PSD3: variants seen among roughly 807,000 people sequenced by gnomAD.
PSD3 encodes PH and SEC7 domain-containing protein 3.
A neutral mutation model predicts 105.5 loss-of-function variants in PSD3; 49 were observed. The observed-to-expected ratio is 0.46, with a 90% CI of 0.37 to 0.59. PSD3 has a LOEUF of 0.59. Ranked by LOEUF, PSD3 falls within the 20% of genes least tolerant of loss-of-function variation. The probability of loss-of-function intolerance (pLI) is 0.00; values close to 1 mark genes in which losing one functional copy is unlikely to be tolerated. For synonymous variants in PSD3, 557 were observed against 457.8 expected (o/e 1.22, Z -2.77); for missense variants, 1,561 against 1,263.8 (o/e 1.24, Z -3.57).
At position 18,532,195 on chromosome 8, in the gene PSD3, A is replaced by G. The variant is rs1799662048; in HGVS notation, c.*3548T>C. 1 of 152,232 alleles carries G rather than the reference A, an allele frequency of 6.6e-6. No homozygotes were observed. Among genetic ancestry groups the G allele is most frequent in the Non-Finnish European group, 1.5e-5 (1 of 68,040 alleles). The allele number at this position is 152,232 out of a possible 1,614,324, so 9.4% of individuals were successfully genotyped here. A position where few individuals can be genotyped will look rare whatever the true frequency, so the allele number is the denominator to read the frequency against. On this transcript the variant is annotated 3_prime_UTR_variant, in exon 16 of 16. Coordinates refer to ENST00000327040, the MANE Select transcript of PSD3 (RefSeq NM_015310.4). ...AGATCTTTACATGATAGAGGGAGCA[A>G]TAGGCAAAGGACAGTAGAAAAGCTC...
chr8:18,777,751 G>A lies in PSD3; in HGVS notation c.2083-12213C>T, dbSNP rs116152627. ...CATCCTCCGGTGCTATGAAAGAATA[G>A]GACTTATTCCTTCTAACTATATGTT... On this transcript the variant is annotated intron_variant, in intron 8 of 15. Coordinates refer to ENST00000327040, the MANE Select transcript of PSD3 (RefSeq NM_015310.4). 6.5e-3 allele frequency among the ~76,000 whole-genome samples: 993 copies of A among 152,154 alleles called. 9 individuals are homozygous for A. The highest frequency in any genetic ancestry group is 0.022 in the African/African-American group (933 of 41,514).
rs1816694858 is a variant in PSD3, at chr8:18,864,668, G to C, written c.1634+3006C>G. ...ACTAGCAAGGAAGCAGGAGAGGCGA[G>C]TGAACACAGATGGAATGGAGGCATG... On this transcript the variant is annotated intron_variant, in intron 4 of 15. Coordinates refer to ENST00000327040, the MANE Select transcript of PSD3 (RefSeq NM_015310.4). 2.6e-5 allele frequency: 4 copies of C among 152,262 alleles called. No homozygotes were observed. In the South Asian group the frequency reaches 8.3e-4, roughly 32 times the overall value. The allele number at this position is 152,262 out of a possible 1,614,324, so 9.4% of individuals were successfully genotyped here. A position where few individuals can be genotyped will look rare whatever the true frequency, so the allele number is the denominator to read the frequency against.
At chr8:18,566,000 G>A (rs1485873811) in intron 14 of PSD3, among the ~76,000 whole-genome samples, 1 of 152,082 alleles carries the variant, frequency 6.6e-6, no homozygotes, top group Non-Finnish European at 1.5e-5. Context: ...AATATGCCTG[G>A]GTTAAAGGAT....
intron 9 of PSD3, among the ~76,000 whole-genome samples, chr8:18,672,199 G>A (rs1417880455): frequency 6.6e-6 from 1 of 151,936 alleles, no homozygotes; most frequent in Non-Finnish European, 1.5e-5. Flanking sequence ...AAGTGACCTT[G>A]TAAATATATG....
At chr8:18,582,254 C>T (rs1031043726) in intron 12 of PSD3, among the ~76,000 whole-genome samples, 12 of 152,226 alleles carry the variant, frequency 7.9e-5, no homozygotes, top group African/African-American at 2.9e-4. Context: ...AATCTGCCTT[C>T]CACGCTCACC....
chr8:18,582,403 C>T (rs932880880), intron 12 of PSD3, among the ~76,000 whole-genome samples: 1 of 152,100 alleles, frequency 6.6e-6, no homozygotes, highest in African/African-American at 2.4e-5. Flanking sequence ...TTCTCTCTGG[C>T]TTAGTTTTCT....
intron 2 of PSD3, among the ~76,000 whole-genome samples, chr8:18,920,637 C>T (rs922289854): frequency 2.6e-5 from 4 of 152,208 alleles, no homozygotes; most frequent in African/African-American, 9.6e-5. Flanking sequence ...CTTTTATTGA[C>T]ATATCCTAAG....
intron 1 of PSD3, among the ~76,000 whole-genome samples, chr8:18,966,743 G>A (rs956281511): frequency 3.3e-5 from 5 of 152,090 alleles, no homozygotes; most frequent in Middle Eastern, 3.4e-3. Flanking sequence ...CCGGACCAAC[G>A]GGCACATCTT....
At chr8:18,780,388 T>A (rs911472968) in intron 8 of PSD3, among the ~76,000 whole-genome samples, 4 of 152,060 alleles carry the variant, frequency 2.6e-5, no homozygotes, top group Non-Finnish European at 5.9e-5. Context: ...CTATATTTTT[T>A]AAGGGGGGAA....
At chr8:19,064,472 G>A (rs78918928) in intron 1 of PSD3, among the ~76,000 whole-genome samples, 14,183 of 151,998 alleles carry the variant, frequency 0.093, 678 homozygotes, top group Non-Finnish European at 0.1. Context: ...ATCAAATGAG[G>A]GTCACTGGGG....
At chr8:18,706,659 G>A (rs1801920789) in intron 9 of PSD3, among the ~76,000 whole-genome samples, 1 of 152,206 alleles carries the variant, frequency 6.6e-6, no homozygotes, top group South Asian at 2.1e-4. Context: ...GCAAGGAGAT[G>A]GATATAGAAG....
At chr8:19,063,203 T>A (rs186932916) in intron 1 of PSD3, among the ~76,000 whole-genome samples, 3 of 152,344 alleles carry the variant, frequency 2.0e-5, no homozygotes, top group Non-Finnish European at 2.9e-5. Flanking sequence ...ACAATCAATC[T>A]TTTATTAACC....
At chr8:18,943,684 G>T (rs765169585) in intron 1 of PSD3, among the ~76,000 whole-genome samples, 2 of 152,036 alleles carry the variant, frequency 1.3e-5, no homozygotes, top group Non-Finnish European at 2.9e-5. Context: ...CCACTACACT[G>T]GGAGACAGCC....
At chr8:18,676,456 C>G (rs955353746) in intron 9 of PSD3, among the ~76,000 whole-genome samples, 8 of 152,188 alleles carry the variant, frequency 5.3e-5, no homozygotes, top group African/African-American at 1.9e-4. Context: ...ACCCTGAGGA[C>G]TTAGTCACAC....
chr8:19,021,002 T>C lies in PSD3; in HGVS notation c.324+63204A>G, dbSNP rs1563513906. On this transcript the variant is annotated intron_variant, in intron 1 of 1. Transcript: ENST00000521475. ...ACAAAACCAGAATTCAGGGGACAGG[T>C]AGGAGTGGGAGCTGTAACAGAGATG... 3.3e-5 allele frequency among the ~76,000 whole-genome samples: 5 copies of C among 152,114 alleles called. No individual in the cohort carries two copies. The South Asian group carries it at 1.0e-3, about 32-fold the overall frequency.
chr8:18,568,905 G>C (rs1192394654), intron 14 of PSD3, among the ~76,000 whole-genome samples: 1 of 148,028 alleles, frequency 6.8e-6, no homozygotes, highest in African/African-American at 2.5e-5. Context: ...CCCTTCCTGT[G>C]TCCATGTGAT....
intron 1 of PSD3, among the ~76,000 whole-genome samples, chr8:19,041,023 G>A (rs920219975): frequency 1.5e-4 from 23 of 152,262 alleles, no homozygotes; most frequent in African/African-American, 5.5e-4. Flanking sequence ...CTCTCAAAGA[G>A]CTGGGACTAT....
At chr8:18,689,867 A>T (rs768295176) in intron 9 of PSD3, among the ~76,000 whole-genome samples, 2 of 152,198 alleles carry the variant, frequency 1.3e-5, no homozygotes, top group Admixed American at 6.5e-5. Flanking sequence ...AGCAAGAATC[A>T]TCTTCAATCT....
In PSD3 at chr8:18,600,453, T is replaced by A; in HGVS notation, c.2411-19A>T. ...CTTGGAGCTAGAAAGGGGGAAAAAA[T>A]GTAAAATTTTATTTGACATCAGCAT... On this transcript the variant is annotated intron_variant, in intron 11 of 15. Transcript: ENST00000327040. The A allele has an allele frequency of 6.4e-7, 1 of 1,558,412 alleles. No individual in the cohort carries two copies. The highest frequency in any genetic ancestry group is 2.3e-5 in the East Asian group (1 of 44,188).
Sources: allele counts gnomAD v4.1 joint callset (sites outside exome capture counted in the v4.1 genomes callset), GRCh38; gene constraint gnomAD v4.1.1; transcripts MANE v1.5; gene names NCBI Gene and HGNC (gene_info 2026-07-23, HGNC 2026-07-21).